Variants in PXDNL observed in about 807,000 individuals in gnomAD.
PXDNL encodes the protein peroxidasin like.
A neutral mutation model predicts 150.8 loss-of-function variants in PXDNL; 145 were observed. The ratio of observed to expected loss-of-function variants is 0.96; its 90% CI spans 0.84 to 1.10. PXDNL has a LOEUF of 1.10. Ranked by LOEUF, PXDNL falls within the 50% of genes least tolerant of loss-of-function variation. The probability of loss-of-function intolerance (pLI) is 0.00; values close to 1 mark genes in which losing one functional copy is unlikely to be tolerated. For missense variants in PXDNL, 2,087 were observed against 1,873.9 expected (o/e 1.11, Z -2.10); for synonymous variants, 757 against 725.7 (o/e 1.04, Z -0.69).
intron 2 of PXDNL, among the ~76,000 whole-genome samples, chr8:51,646,535 G>A (rs1224013079): frequency 2.0e-5 from 3 of 152,152 alleles, no homozygotes; most frequent in Non-Finnish European, 2.9e-5. Flanking sequence ...GAATACCCAC[G>A]AGATGGGGCA....
chr8:51,586,293 G>A (rs778339275), intron 3 of PXDNL, among the ~76,000 whole-genome samples: 36 of 152,272 alleles, frequency 2.4e-4, no homozygotes, highest in Non-Finnish European at 5.1e-4. Flanking sequence ...AAGGATCCCA[G>A]CTAATACTGA....
intron 3 of PXDNL, among the ~76,000 whole-genome samples, chr8:51,577,309 G>A (rs1813076846): frequency 6.6e-6 from 1 of 151,550 alleles, no homozygotes; most frequent in African/African-American, 2.4e-5. Context: ...ATATAGGGAA[G>A]TGTATTTCAG....
chr8:51,484,604 A>G (rs1324467237), intron 5 of PXDNL, among the ~76,000 whole-genome samples: 2 of 152,098 alleles, frequency 1.3e-5, no homozygotes, highest in Admixed American at 6.5e-5. Context: ...GGGTGCTGCT[A>G]TGGTTACTGC....
chr8:51,742,897 A>G (rs544462239), intron 1 of PXDNL, among the ~76,000 whole-genome samples: 32 of 152,304 alleles, frequency 2.1e-4, no homozygotes, highest in African/African-American at 6.5e-4. Flanking sequence ...GCATGCTGAA[A>G]GAGCACAGGC....
intron 19 of PXDNL, among the ~76,000 whole-genome samples, chr8:51,365,595 T>G (rs929525799): frequency 6.6e-6 from 1 of 152,216 alleles, no homozygotes; most frequent in African/African-American, 2.4e-5. Context: ...TCAAAAATTT[T>G]AAACGTTTGC....
At chr8:51,376,231 A>T (rs1393307579) in intron 17 of PXDNL, among the ~76,000 whole-genome samples, 1 of 152,226 alleles carries the variant, frequency 6.6e-6, no homozygotes, top group Non-Finnish European at 1.5e-5. Context: ...GCATATCAAA[A>T]TTCTCAATGT....
intron 1 of PXDNL, among the ~76,000 whole-genome samples, chr8:51,787,328 C>T (rs1280989298): frequency 6.6e-6 from 1 of 152,186 alleles, no homozygotes; most frequent in Non-Finnish European, 1.5e-5. Flanking sequence ...AGTGAATCCT[C>T]TGATAGATCT....
chr8:51,522,878 A>C (rs979583080), intron 4 of PXDNL, among the ~76,000 whole-genome samples: 3 of 151,512 alleles, frequency 2.0e-5, no homozygotes, highest in Non-Finnish European at 4.4e-5. Flanking sequence ...AAACAAACAA[A>C]AAAAAAACAG....
intron 1 of PXDNL, among the ~76,000 whole-genome samples, chr8:51,798,417 A>C (rs1050135102): frequency 1.3e-5 from 2 of 152,202 alleles, no homozygotes; most frequent in African/African-American, 4.8e-5. Context: ...ATGGGAAAAA[A>C]TTTTTGCAAT....
chr8:51,561,636 C>T (rs935564572), intron 3 of PXDNL, among the ~76,000 whole-genome samples: 1 of 151,796 alleles, frequency 6.6e-6, no homozygotes, highest in African/African-American at 2.4e-5. Flanking sequence ...AAGACAAATA[C>T]TATGTGATTC....
At chr8:51,583,738 T>C (rs906673186) in intron 3 of PXDNL, among the ~76,000 whole-genome samples, 2 of 152,114 alleles carry the variant, frequency 1.3e-5, no homozygotes, top group African/African-American at 4.8e-5. Context: ...AATAGATAAA[T>C]AGATGGATAG....
At chr8:51,444,070 T>G (rs116572607) in intron 12 of PXDNL, among the ~76,000 whole-genome samples, 2,066 of 152,330 alleles carry the variant, frequency 0.014, 41 homozygotes, top group African/African-American at 0.047. Flanking sequence ...AAAGTATACG[T>G]ATGTAAAGGT....
chr8:51,352,393 T>C (rs1159887330), intron 19 of PXDNL, among the ~76,000 whole-genome samples: 1 of 152,122 alleles, frequency 6.6e-6, no homozygotes, highest in Non-Finnish European at 1.5e-5. Flanking sequence ...ATGGATAATA[T>C]GGTTTGGCTG....
intron 5 of PXDNL, among the ~76,000 whole-genome samples, chr8:51,494,226 A>G (rs909553375): frequency 1.3e-5 from 2 of 152,300 alleles, no homozygotes; most frequent in South Asian, 2.1e-4. Context: ...AGACAAACAA[A>G]TGCTGAGAGA....
At chr8:51,806,995 T>A (rs2037683703) in intron 1 of PXDNL, among the ~76,000 whole-genome samples, 1 of 152,210 alleles carries the variant, frequency 6.6e-6, no homozygotes, top group Non-Finnish European at 1.5e-5. Flanking sequence ...ATGATACTAA[T>A]AGTGAAAACT....
intron 1 of PXDNL, among the ~76,000 whole-genome samples, chr8:51,791,160 G>A (rs1340860562): frequency 6.6e-6 from 1 of 152,144 alleles, no homozygotes; most frequent in East Asian, 1.9e-4. Context: ...TCAGGCTCTG[G>A]GATCCAGGGT....
intron 1 of PXDNL, among the ~76,000 whole-genome samples, chr8:51,754,605 T>G (rs1396995885): frequency 1.3e-5 from 2 of 151,986 alleles, no homozygotes; most frequent in Non-Finnish European, 2.9e-5. Flanking sequence ...CTGGGTTCAT[T>G]CCATTCTCCT....
chr8:51,441,988 T>C, intron 12 of PXDNL, among the ~76,000 whole-genome samples: 1 of 151,492 alleles, frequency 6.6e-6, no homozygotes, highest in East Asian at 1.9e-4. Context: ...GAAGGAGAGG[T>C]CGCCACACTG....
rs183627884 is a variant in PXDNL, at chr8:51,675,101, A to G, written c.165-20341T>C. Among the ~76,000 whole-genome samples the G allele has an allele frequency of 8.6e-4, 131 of 152,206 alleles. 1 individual carries two copies. The highest frequency in any genetic ancestry group is 2.9e-3 in the African/African-American group (122 of 41,500). On this transcript the variant is annotated intron_variant, in intron 1 of 22. Transcript: ENST00000356297. ...CCTACTTCTTCAATGCACCTGTTCCACACCCTTGGAACTCACTTGCTCTTA... is the reference window on the plus strand; with the variant it reads ...CCTACTTCTTCAATGCACCTGTTCCGCACCCTTGGAACTCACTTGCTCTTA...
Sources: allele counts gnomAD v4.1 joint callset (sites outside exome capture counted in the v4.1 genomes callset), GRCh38; gene constraint gnomAD v4.1.1; transcripts MANE v1.5; gene names NCBI Gene and HGNC (gene_info 2026-07-23, HGNC 2026-07-21).